TTC23L: variants seen among roughly 807,000 people sequenced by gnomAD.
The protein encoded by TTC23L is tetratricopeptide repeat protein 23-like.
TTC23L carries 42 observed loss-of-function variants against 48.1 expected under a neutral mutation model. That is an observed-to-expected ratio of 0.87 (90% CI 0.68 to 1.13). TTC23L has a LOEUF of 1.13. Ranked by LOEUF, TTC23L falls within the 50% of genes most tolerant of loss-of-function variation. The probability of loss-of-function intolerance (pLI) is 0.00; values close to 1 mark genes in which losing one functional copy is unlikely to be tolerated. For missense variants in TTC23L, 391 were observed against 421.0 expected (o/e 0.93, Z 0.62); for synonymous variants, 159 against 157.2 (o/e 1.01, Z -0.09).
chr5:34,910,898 T>TA, the TTC23L span, among the ~76,000 whole-genome samples: 2 of 152,358 alleles, frequency 1.3e-5, no homozygotes, highest in African/African-American at 2.4e-5. Context: ...AGACTTGTGT[T>TA]AAACTATCAA....
the TTC23L span, chr5:34,913,659 G>A: frequency 9.8e-5 from 80 of 815,332 alleles, 1 homozygote; most frequent in Admixed American, 3.5e-4. Flanking sequence ...CACTTTATAC[G>A]TTTAAAAAAT....
chr5:34,897,011 G>T, intron 10 of TTC23L, 136 bp downstream of exon 10: 2 of 502,298 alleles, frequency 4.0e-6, no homozygotes, highest in Non-Finnish European at 7.1e-6. Flanking sequence ...AATCATTTAA[G>T]GAAAAAAAAA....
chr5:34,863,185 C>T lies in TTC23L; in HGVS notation c.536+131C>T. 2 of 1,089,394 alleles carry T rather than the reference C, an allele frequency of 1.8e-6. No individual in the cohort carries two copies. Among genetic ancestry groups the T allele is most frequent in the Non-Finnish European group, 2.7e-6 (2 of 751,244 alleles). The allele number at this position is 1,089,394 out of a possible 1,614,324, so 67.5% of individuals were successfully genotyped here. A position where few individuals can be genotyped will look rare whatever the true frequency, so the allele number is the denominator to read the frequency against. On this transcript the variant is annotated intron_variant, in intron 5 of 10. Transcript: ENST00000505624. This position sits in a 1 kb window ranked among gnomAD's most constrained non-coding sequence, Gnocchi z 4.1. The stretch of plus-strand genomic sequence containing the variant: ...GATCTGTTCCAACATCAAGGCCCTC[C>T]ATGAGCCTCTCCTCTCCATCTAGAA...
At chr5:34,917,118 A>G in the TTC23L span, among the ~76,000 whole-genome samples, 1 of 152,216 alleles carries the variant, frequency 6.6e-6, no homozygotes, top group Admixed American at 6.5e-5. Context: ...CATTCAAAAA[A>G]TGAGAGGGAA....
rs1398679778 is a variant in TTC23L at position 34,867,103 on chromosome 5, C to A, written c.840+34C>A. 5 of 1,588,746 alleles carry A rather than the reference C, an allele frequency of 3.1e-6. No homozygotes were observed. In the East Asian group the frequency reaches 1.1e-4, roughly 37 times the overall value. On this transcript the variant is annotated intron_variant, in intron 7 of 10. Transcript: ENST00000505624. ...GTTGGCCAGAGCCCAGGCTGGGTTGCCTTGTTTGGCCCCAGGCTTGGTTCT... is the reference window on the plus strand; with the variant it reads ...GTTGGCCAGAGCCCAGGCTGGGTTGACTTGTTTGGCCCCAGGCTTGGTTCT...
chr5:34,922,327 G>A, the TTC23L span: 3 of 1,275,106 alleles, frequency 2.4e-6, no homozygotes, highest in African/African-American at 1.5e-5. Context: ...ACTCATTTAA[G>A]TGGATTTGTT....
intron 8 of TTC23L, among the ~76,000 whole-genome samples, chr5:34,879,876 G>A (rs1428927921): frequency 6.6e-6 from 1 of 152,060 alleles, no homozygotes; most frequent in East Asian, 1.9e-4. Flanking sequence ...CACACGTGTA[G>A]TTCCAGCTAC....
At chr5:34,922,413 G>T in the TTC23L span, 1 of 889,064 alleles carries the variant, frequency 1.1e-6, no homozygotes, top group South Asian at 1.7e-5. Context: ...TTGATTTCAC[G>T]AAACTTGATA....
At chr5:34,899,764 T>C (rs914291875), downstream of TTC23L, among the ~76,000 whole-genome samples, 4 of 152,186 alleles carry the variant, frequency 2.6e-5, no homozygotes, top group African/African-American at 9.7e-5. Context: ...TGGTGACACA[T>C]GCCTGTAAAC....
At chr5:34,919,274 C>CA in the TTC23L span, among the ~76,000 whole-genome samples, 4,852 of 35,802 alleles carry the variant, frequency 0.14, 690 homozygotes, top group Non-Finnish European at 0.19. Context: ...GACCCTGTCT[C>CA]AAAAAAAAAA....
chr5:34,873,547 A>G (rs924123695), intron 8 of TTC23L, among the ~76,000 whole-genome samples: 1 of 152,194 alleles, frequency 6.6e-6, no homozygotes, highest in East Asian at 1.9e-4. Flanking sequence ...ATATGATGAA[A>G]GGGATAAAAA....
At chr5:34,901,114 GATAAA>G (rs754269765), downstream of TTC23L, among the ~76,000 whole-genome samples, 2 of 151,772 alleles carry the variant, frequency 1.3e-5, no homozygotes, top group African/African-American at 4.8e-5. Flanking sequence ...AGTAGCAAAT[GATAAA>G]ATAGACTAGT....
the TTC23L span, among the ~76,000 whole-genome samples, chr5:34,924,412 T>TA: frequency 6.6e-6 from 1 of 152,212 alleles, no homozygotes; most frequent in African/African-American, 2.4e-5. Context: ...CAGTAGCTAT[T>TA]AAATAAATTT....
intron 4 of TTC23L, among the ~76,000 whole-genome samples, chr5:34,857,878 C>T (rs926340099): frequency 2.6e-5 from 4 of 152,100 alleles, no homozygotes; most frequent in African/African-American, 7.2e-5. Context: ...CTAGACCCTG[C>T]TCTTTTAATT....
chr5:34,869,951 T>C (rs949153629), intron 8 of TTC23L: 1 of 152,154 alleles, frequency 6.6e-6, no homozygotes, highest in African/African-American at 2.4e-5. Context: ...GATTTCCTCG[T>C]CTATATTCAC....
chr5:34,846,576 A>ATATATAC (rs1554017309), intron 3 of TTC23L, among the ~76,000 whole-genome samples: 1 of 98,346 alleles, frequency 1.0e-5, no homozygotes, highest in Non-Finnish European at 1.8e-5. Context: ...AAAAAAAAAA[A>ATATATAC]ATATATATAT....
chr5:34,911,161 G>C, the TTC23L span, among the ~76,000 whole-genome samples: 1 of 152,228 alleles, frequency 6.6e-6, no homozygotes. Flanking sequence ...AATGAGCCAC[G>C]TGTAGAAAAC....
intron 9 of TTC23L, among the ~76,000 whole-genome samples, chr5:34,896,242 C>A (rs1212657846): frequency 1.3e-5 from 2 of 152,186 alleles, no homozygotes; most frequent in East Asian, 3.8e-4. Flanking sequence ...GCCACGCCCA[C>A]AGAAATGGTC....
chr5:34,923,892 G>A, the TTC23L span, among the ~76,000 whole-genome samples: 4 of 152,186 alleles, frequency 2.6e-5, no homozygotes, highest in African/African-American at 9.6e-5. Context: ...TACAGAGTAT[G>A]GATTTCCTAA....
Sources: gnomAD v4.1 joint callset for allele counts (sites outside exome capture counted in the v4.1 genomes callset) on GRCh38, gnomAD v4.1.1 for gene constraint, Gnocchi (gnomAD v3.1) non-coding constraint, MANE v1.5 for transcripts, NCBI Gene and HGNC (gene_info 2026-07-23, HGNC 2026-07-21) for gene names.